The following CENPW variants were observed in gnomAD, a reference collection of about 807,000 sequenced individuals.
The protein encoded by CENPW is centromere protein W, also known as cancer-up-regulated gene 2 protein.
Under a neutral mutation model 11.1 loss-of-function variants are expected in CENPW, and 3 were observed. That is an observed-to-expected ratio of 0.27 (90% CI 0.12 to 0.70). CENPW has a LOEUF of 0.70. Among genes scored for constraint, CENPW ranks in the 30% least tolerant of loss-of-function variants. The pLI is 0.77. For missense variants in CENPW, 100 were observed against 105.6 expected (o/e 0.95, Z 0.23); for synonymous variants, 38 against 42.0 (o/e 0.91, Z 0.37).
chr6:126,455,107 C>A, the CENPW span, among the ~76,000 whole-genome samples: 1 of 151,202 alleles, frequency 6.6e-6, no homozygotes, highest in African/African-American at 2.4e-5. Flanking sequence ...AACCCCAGGA[C>A]CAAATGGATT....
chr6:126,340,220 G>A lies in CENPW; in HGVS notation c.-54G>A, dbSNP rs1780273040. 2 of 1,569,364 alleles carry A rather than the reference G, an allele frequency of 1.3e-6. No homozygotes were observed. The highest frequency in any genetic ancestry group is 3.4e-5 in the Admixed American group (2 of 59,292). ...CTGGCCCAGTGTCCCCGGAGCTTGT[G>A]TGCGATACAGAGAGCACCTCGGAAG... On this transcript the variant is annotated 5_prime_UTR_variant, in exon 1 of 3. It adds an upstream start codon to the 5' untranslated region. Transcript: ENST00000368328.
chr6:126,357,485 A>G, the CENPW span, among the ~76,000 whole-genome samples: 3 of 152,310 alleles, frequency 2.0e-5, no homozygotes, highest in East Asian at 3.9e-4. Context: ...TAGGAATAGC[A>G]TAGAATCTGT....
At chr6:126,361,509 A>G in the CENPW span, among the ~76,000 whole-genome samples, 1 of 152,026 alleles carries the variant, frequency 6.6e-6, no homozygotes, top group Non-Finnish European at 1.5e-5. Context: ...GTTAGCCAGG[A>G]TGGTCTTGAT....
the CENPW span, among the ~76,000 whole-genome samples, chr6:126,392,299 A>C: frequency 6.6e-6 from 1 of 151,716 alleles, no homozygotes; most frequent in African/African-American, 2.4e-5. Flanking sequence ...TTGGCATATA[A>C]AATTTCTGTT....
the CENPW span, among the ~76,000 whole-genome samples, chr6:126,398,725 T>G: frequency 6.6e-6 from 1 of 152,090 alleles, no homozygotes; most frequent in South Asian, 2.1e-4. Flanking sequence ...GTATATTATG[T>G]GACACTGACG....
chr6:126,470,294 A>G, the CENPW span, among the ~76,000 whole-genome samples: 34 of 152,218 alleles, frequency 2.2e-4, no homozygotes, highest in Non-Finnish European at 4.0e-4. Context: ...AGGCAAATGT[A>G]CATCTCAGGC....
At chr6:126,385,534 T>C in the CENPW span, among the ~76,000 whole-genome samples, 1 of 152,116 alleles carries the variant, frequency 6.6e-6, no homozygotes. Flanking sequence ...AGACTAAATA[T>C]TGCTTATTCA....
At chr6:126,430,708 T>C in the CENPW span, among the ~76,000 whole-genome samples, 3 of 152,070 alleles carry the variant, frequency 2.0e-5, no homozygotes, top group Non-Finnish European at 2.9e-5. Context: ...TCCCAGCACT[T>C]TGGGAGGCCG....
chr6:126,368,436 T>C, the CENPW span, among the ~76,000 whole-genome samples: 4 of 152,126 alleles, frequency 2.6e-5, no homozygotes, highest in Admixed American at 2.6e-4. Context: ...AACCCATTGA[T>C]TCTTCAAAAA....
the CENPW span, among the ~76,000 whole-genome samples, chr6:126,434,565 A>T: frequency 9.2e-5 from 14 of 152,170 alleles, no homozygotes; most frequent in South Asian, 6.2e-4. Context: ...AGAAATGAAA[A>T]CACAGTAGTA....
chr6:126,408,024 G>T, the CENPW span, among the ~76,000 whole-genome samples: 1 of 152,110 alleles, frequency 6.6e-6, no homozygotes, highest in Non-Finnish European at 1.5e-5. Context: ...GTCCTGAATG[G>T]TATTTGCCTA....
chr6:126,375,257 A>G, the CENPW span, among the ~76,000 whole-genome samples: 1 of 152,216 alleles, frequency 6.6e-6, no homozygotes, highest in East Asian at 1.9e-4. Context: ...AGCATGCTGA[A>G]GAAGAGGTAA....
chr6:126,420,397 T>A, the CENPW span, among the ~76,000 whole-genome samples: 1 of 152,158 alleles, frequency 6.6e-6, no homozygotes, highest in African/African-American at 2.4e-5. Flanking sequence ...TTAAAAAAAA[T>A]GGTAGTCGCT....
the CENPW span, among the ~76,000 whole-genome samples, chr6:126,467,022 T>C: frequency 6.6e-6 from 1 of 152,198 alleles, no homozygotes; most frequent in African/African-American, 2.4e-5. Context: ...AAACATTTCA[T>C]GCTCATGAAT....
At chr6:126,468,771 T>C in the CENPW span, among the ~76,000 whole-genome samples, 2 of 152,196 alleles carry the variant, frequency 1.3e-5, no homozygotes, top group African/African-American at 2.4e-5. Context: ...AATGTAAAGA[T>C]GGAATATGCT....
At chr6:126,351,176 G>A (rs1159114338), downstream of CENPW, among the ~76,000 whole-genome samples, 1 of 151,354 alleles carries the variant, frequency 6.6e-6, no homozygotes, top group Non-Finnish European at 1.5e-5. Context: ...GTGTGTGTAA[G>A]TGGAGTAGGA....
chr6:126,358,730 T>A, the CENPW span, among the ~76,000 whole-genome samples: 1 of 152,148 alleles, frequency 6.6e-6, no homozygotes, highest in Admixed American at 6.6e-5. Flanking sequence ...ATTGAATGAG[T>A]TAGGGAGAAG....
the CENPW span, among the ~76,000 whole-genome samples, chr6:126,460,595 T>C: frequency 1.2e-4 from 18 of 151,786 alleles, no homozygotes; most frequent in African/African-American, 3.9e-4. Context: ...TTTGTGTCCA[T>C]GTTTTTCTAC....
At chr6:126,411,782 G>C in the CENPW span, among the ~76,000 whole-genome samples, 1 of 152,078 alleles carries the variant, frequency 6.6e-6, no homozygotes, top group African/African-American at 2.4e-5. Context: ...TTGTAACTCA[G>C]GACCCAGGAG....
Sources: gnomAD v4.1 joint callset for allele counts (sites outside exome capture counted in the v4.1 genomes callset) on GRCh38, gnomAD v4.1.1 for gene constraint, MANE v1.5 for transcripts, NCBI Gene and HGNC (gene_info 2026-07-23, HGNC 2026-07-21) for gene names.